PCDH11Y: variants seen among roughly 807,000 people sequenced by gnomAD.
PCDH11Y encodes the protein protocadherin 11 Y-linked, also known as protocadherin-11 Y-linked.
For synonymous variants in PCDH11Y, 9 were observed against 83.6 expected (o/e 0.11, Z 4.87); for missense variants, 12 against 224.8 (o/e 0.05, Z 6.05).
At chrY:5,656,580 T>C in intron 4 of PCDH11Y, among the ~76,000 whole-genome samples, 2 of 31,111 alleles carry the variant, frequency 6.4e-5, no homozygotes, top group African/African-American at 1.3e-4. Context: ...ATAAAGGACA[T>C]TGAAGAGAAA....
intron 3 of PCDH11Y, among the ~76,000 whole-genome samples, chrY:5,538,660 G>A: frequency 6.1e-5 from 2 of 32,780 alleles, no homozygotes; most frequent in Admixed American, 5.6e-4. Flanking sequence ...CATGTAAATA[G>A]AAGCGTTATG....
At chrY:5,238,272 A>G (rs2052980359) in intron 2 of PCDH11Y, among the ~76,000 whole-genome samples, 1 of 33,048 alleles carries the variant, frequency 3.0e-5, no homozygotes, top group African/African-American at 1.2e-4. Flanking sequence ...AATGCCACAC[A>G]TCTACAACCA....
intron 2 of PCDH11Y, among the ~76,000 whole-genome samples, chrY:5,372,913 CCT>C (rs1602913662): frequency 0.11 from 341 of 3,130 alleles, no homozygotes; most frequent in South Asian, 0.22. Flanking sequence ...TTCCTTCCTT[CCT>C]TCCCTCCCTC....
At chrY:5,704,556 G>C in intron 4 of PCDH11Y, among the ~76,000 whole-genome samples, 1 of 28,371 alleles carries the variant, frequency 3.5e-5, no homozygotes, top group African/African-American at 1.4e-4. Context: ...TCAGCCTCCC[G>C]AGTAGCTGGG....
intron 1 of PCDH11Y, among the ~76,000 whole-genome samples, chrY:5,088,798 G>C: frequency 3.1e-5 from 1 of 31,809 alleles, no homozygotes; most frequent in African/African-American, 1.2e-4. Context: ...CAGTAGTTAT[G>C]CTTACAGAAA....
At chrY:5,688,204 T>G in intron 4 of PCDH11Y, among the ~76,000 whole-genome samples, 1 of 33,453 alleles carries the variant, frequency 3.0e-5, no homozygotes, top group Non-Finnish European at 7.4e-5. Flanking sequence ...GAATCTTCAC[T>G]AATTAAAATT....
intron 2 of PCDH11Y, among the ~76,000 whole-genome samples, chrY:5,394,992 T>C (rs2053225626): frequency 3.0e-5 from 1 of 33,080 alleles, no homozygotes. Flanking sequence ...ATACAATGAC[T>C]AATAAGACAC....
intron 2 of PCDH11Y, among the ~76,000 whole-genome samples, chrY:5,165,928 A>G (rs2052878951): frequency 6.2e-5 from 2 of 32,451 alleles, no homozygotes. Flanking sequence ...GAACAACCTT[A>G]TGCATATAAA....
chrY:5,311,516 CAT>C (rs2053100805), intron 2 of PCDH11Y, among the ~76,000 whole-genome samples: 2 of 23,692 alleles, frequency 8.4e-5, no homozygotes, highest in Admixed American at 8.5e-4. Context: ...CACACACACA[CAT>C]ATATATATAT....
intron 2 of PCDH11Y, among the ~76,000 whole-genome samples, chrY:5,283,229 G>T: frequency 3.1e-5 from 1 of 32,495 alleles, no homozygotes; most frequent in Non-Finnish European, 7.6e-5. Flanking sequence ...AAAAATTTTG[G>T]ATGAAGAAAG....
chrY:5,663,401 C>T (rs2053542463), intron 4 of PCDH11Y, among the ~76,000 whole-genome samples: 1 of 33,003 alleles, frequency 3.0e-5, no homozygotes, highest in East Asian at 7.9e-4. Context: ...GAGCATGATT[C>T]ACACATACTT....
chrY:5,382,095 A>T, intron 2 of PCDH11Y, among the ~76,000 whole-genome samples: 1 of 33,667 alleles, frequency 3.0e-5, no homozygotes, highest in African/African-American at 1.2e-4. Context: ...CTCGGCAAAG[A>T]AATTCTACCT....
At chrY:5,031,156 A>C in intron 1 of PCDH11Y, 1 of 28,030 alleles carries the variant, frequency 3.6e-5, no homozygotes, top group African/African-American at 1.4e-4. Flanking sequence ...TAATAGGCAC[A>C]AGCGGCTACC....
chrY:5,111,673 G>T, intron 2 of PCDH11Y, among the ~76,000 whole-genome samples: 2 of 33,881 alleles, frequency 5.9e-5, no homozygotes, highest in South Asian at 1.3e-3. Context: ...TCTGAATCTA[G>T]AATAACTGAT....
intron 4 of PCDH11Y, among the ~76,000 whole-genome samples, chrY:5,631,602 T>C (rs2053512292): frequency 3.0e-5 from 1 of 33,365 alleles, no homozygotes; most frequent in African/African-American, 1.2e-4. Flanking sequence ...CTCTTCATCA[T>C]GTTAAAATAT....
At chrY:5,670,746 T>A in intron 4 of PCDH11Y, among the ~76,000 whole-genome samples, 2 of 31,717 alleles carry the variant, frequency 6.3e-5, no homozygotes, top group Non-Finnish European at 1.6e-4. Context: ...TCTCTTCACT[T>A]TGTTGATAGC....
intron 1 of PCDH11Y, among the ~76,000 whole-genome samples, chrY:5,005,008 G>C (rs2052537892): frequency 2.9e-5 from 1 of 33,933 alleles, no homozygotes. Context: ...GTCATTCCTA[G>C]TCAGTGGCTA....
chrY:5,618,335 T>C (rs2053496032), intron 4 of PCDH11Y, among the ~76,000 whole-genome samples: 1 of 32,081 alleles, frequency 3.1e-5, no homozygotes, highest in African/African-American at 1.2e-4. Context: ...GTAGTTCTTT[T>C]CATATTAAAG....
chrY:5,354,759 T>C, intron 2 of PCDH11Y, among the ~76,000 whole-genome samples: 3 of 32,865 alleles, frequency 9.1e-5, no homozygotes, highest in African/African-American at 3.6e-4. Flanking sequence ...TTAATATTGG[T>C]AATCTATTAT....
Sources: allele counts gnomAD v4.1 joint callset (sites outside exome capture counted in the v4.1 genomes callset), GRCh38; gene constraint gnomAD v4.1.1; transcripts MANE v1.5; gene names NCBI Gene and HGNC (gene_info 2026-07-23, HGNC 2026-07-21).